Variants in MAK observed in about 807,000 individuals in gnomAD.
The protein encoded by MAK is serine/threonine-protein kinase MAK.
A neutral mutation model predicts 82.6 loss-of-function variants in MAK; 65 were observed. The observed-to-expected ratio is 0.79, with a 90% CI of 0.64 to 0.97. The LOEUF is 0.97. Among genes scored for constraint, MAK ranks in the 50% least tolerant of loss-of-function variants. The pLI is 0.00. For synonymous variants in MAK, 250 were observed against 274.2 expected, an observed-to-expected ratio of 0.91 and a Z score of 0.87; for missense variants, 703 against 780.2, an observed-to-expected ratio of 0.90 and a Z score of 1.18.
intron 8 of MAK, 45 bp downstream of exon 8, chr6:10,801,847 A>G: frequency 6.3e-7 from 1 of 1,592,530 alleles, no homozygotes; most frequent in Non-Finnish European, 8.6e-7. Context: ...CTGATATTAC[A>G]AAACCTAAAC....
At chr6:10,834,074 G>C (rs2127593260) in intron 1 of MAK, among the ~76,000 whole-genome samples, 1 of 152,214 alleles carries the variant, frequency 6.6e-6, no homozygotes, top group South Asian at 2.1e-4. Context: ...ACAAAACATG[G>C]ACTAAAATAT....
intron 6 of MAK, among the ~76,000 whole-genome samples, chr6:10,807,810 T>C (rs1374504017): frequency 6.7e-6 from 1 of 150,268 alleles, no homozygotes; most frequent in Non-Finnish European, 1.5e-5. Flanking sequence ...ACGCCTGTAA[T>C]CCCAGCACTA....
In MAK at chr6:10,781,716, A is replaced by C. The variant is rs530223278; in HGVS notation, c.1465+2708T>G. The stretch of plus-strand genomic sequence containing the variant: ...TGGGATTACAGGCATGAGCCACTGC[A>C]CCTGGCCTCATTAACTATTTTAATA... On this transcript the variant is annotated intron_variant, in intron 11 of 14. Coordinates refer to ENST00000354489, the MANE Select transcript of MAK (RefSeq NM_001242957.3). 3.3e-5 allele frequency among the ~76,000 whole-genome samples: 5 copies of C among 152,208 alleles called. No individual in the cohort carries two copies. The South Asian group carries it at 1.0e-3, about 32-fold the overall frequency.
intron 2 of MAK, among the ~76,000 whole-genome samples, chr6:10,822,107 A>G (rs1021668549): frequency 3.2e-4 from 45 of 141,180 alleles, no homozygotes; most frequent in African/African-American, 1.0e-3. Context: ...AGATCGCACC[A>G]CTGCACTCCA....
At chr6:10,802,428 C>T (rs1561972276) in intron 7 of MAK, 2 of 213,086 alleles carry the variant, frequency 9.4e-6, no homozygotes, top group Non-Finnish European at 1.9e-5. Context: ...ACCTCAGACT[C>T]CTGAGTAGCT....
chr6:10,825,615 A>G (rs1405106332), intron 2 of MAK, among the ~76,000 whole-genome samples: 1 of 151,964 alleles, frequency 6.6e-6, no homozygotes, highest in African/African-American at 2.4e-5. Context: ...CCCAGACTGA[A>G]TTCAGCTTTA....
chr6:10,767,790 C>CAAAAAAAAAAAAA (rs35961098), intron 14 of MAK, among the ~76,000 whole-genome samples: 8 of 139,322 alleles, frequency 5.7e-5, no homozygotes, highest in Non-Finnish European at 9.6e-5. Flanking sequence ...GACTTTGTCT[C>CAAAAAAAAAAAAA]AAAAAAAAAA....
intron 2 of MAK, among the ~76,000 whole-genome samples, chr6:10,820,124 T>G (rs1457856844): frequency 6.6e-6 from 1 of 151,590 alleles, no homozygotes; most frequent in Non-Finnish European, 1.5e-5. Context: ...AAAAAAAAAT[T>G]TAAAAAAAAC....
At chr6:10,777,408 CAAAAA>C (rs57082378) in intron 11 of MAK, among the ~76,000 whole-genome samples, 1 of 137,776 alleles carries the variant, frequency 7.3e-6, no homozygotes, top group East Asian at 2.1e-4. Context: ...AAGACTGTCA[CAAAAA>C]AAAAAAAAAA....
chr6:10,807,249 C>T (rs1776547209), intron 6 of MAK, among the ~76,000 whole-genome samples: 2 of 151,578 alleles, frequency 1.3e-5, no homozygotes, highest in African/African-American at 4.8e-5. Context: ...ACATTCCTTT[C>T]TCTCCCCATC....
intron 8 of MAK, among the ~76,000 whole-genome samples, chr6:10,801,124 G>A (rs576903937): frequency 1.3e-5 from 2 of 152,076 alleles, no homozygotes; most frequent in Non-Finnish European, 2.9e-5. Context: ...CCCTATCACC[G>A]CTCTCTAATT....
chr6:10,826,921 G>T (rs1314770029), intron 2 of MAK, among the ~76,000 whole-genome samples: 2 of 152,140 alleles, frequency 1.3e-5, no homozygotes, highest in Non-Finnish European at 1.5e-5. Context: ...AGACCAGCCT[G>T]ACCAACATGG....
intron 4 of MAK, among the ~76,000 whole-genome samples, chr6:10,814,155 G>C (rs1412966097): frequency 2.0e-5 from 3 of 151,874 alleles, no homozygotes; most frequent in African/African-American, 7.3e-5. Context: ...TTTTAGTAGA[G>C]ACAGGGTTTC....
intron 6 of MAK, 76 bp downstream of exon 6, chr6:10,808,734 A>C (rs1003606585): frequency 2.4e-5 from 34 of 1,390,120 alleles, no homozygotes; most frequent in African/African-American, 4.3e-5. Context: ...GAACTTCCAG[A>C]AATATGTAAC....
intron 1 of MAK, among the ~76,000 whole-genome samples, chr6:10,832,601 A>T (rs1176113642): frequency 6.7e-6 from 1 of 148,916 alleles, no homozygotes; most frequent in Non-Finnish European, 1.5e-5. Context: ...TAGCAATAAG[A>T]TTTTTTTTTT....
intron 12 of MAK, among the ~76,000 whole-genome samples, chr6:10,774,800 C>G (rs1002585725): frequency 2.0e-5 from 3 of 152,112 alleles, no homozygotes; most frequent in African/African-American, 7.2e-5. Flanking sequence ...TTCATTGGCA[C>G]CCCAGATATT....
chr6:10,802,101 A>C (rs1776061179), intron 7 of MAK, 42 bp from the exon 8 acceptor site: 1 of 1,560,968 alleles, frequency 6.4e-7, no homozygotes, highest in Middle Eastern at 1.7e-4. Flanking sequence ...AGGGCAAAAC[A>C]AATTGTTTTT....
intron 2 of MAK, chr6:10,829,255 A>G (rs1386831968): frequency 3.3e-5 from 5 of 152,250 alleles, no homozygotes; most frequent in Non-Finnish European, 7.3e-5. Flanking sequence ...AACACAGTGG[A>G]TTAAAAACAA....
Position 10,796,157 on chromosome 6 carries a change from G to C in MAK, c.984C>G (p.Ile328Met), listed in dbSNP as rs767830843. ...GCTGGGGTTGTCCAACAACCTGATC[G>C]ATTATATCCGGCAGAGGCTTAGGCT... Reference protein sequence around the residue: ...EVEPKPLPDIIDQVVGQPQPK... With the variant: ...EVEPKPLPDIMDQVVGQPQPK... The change falls in exon 9 of 15, where the codon ATC (isoleucine) becomes ATG (methionine). Residue 328 changes from isoleucine to methionine, a missense_variant. Physicochemically the swap from Ile to Met is conservative, Grantham distance 10 (BLOSUM62 1). Transcript: ENST00000354489. The C allele has an allele frequency of 1.2e-6, 2 of 1,614,020 alleles. No homozygotes were observed. The highest frequency in any genetic ancestry group is 1.3e-5 in the African/African-American group (1 of 74,922).
Sources: gnomAD v4.1 joint callset for allele counts (sites outside exome capture counted in the v4.1 genomes callset) on GRCh38, gnomAD v4.1.1 for gene constraint, MANE v1.5 for transcripts, NCBI Gene and HGNC (gene_info 2026-07-23, HGNC 2026-07-21) for gene names.